ANO4: variants seen among roughly 807,000 people sequenced by gnomAD.
ANO4 encodes the protein anoctamin 4, also known as anoctamin-4.
In ANO4, 69 loss-of-function variants were observed where a neutral mutation model predicts 141.9. The ratio of observed to expected loss-of-function variants is 0.49; its 90% confidence interval spans 0.40 to 0.59. ANO4 has a LOEUF of 0.59. ANO4 is among the 20% of genes least tolerant of loss of function. ANO4 has a pLI of 0.00. For synonymous variants in ANO4, 350 were observed against 394.3 expected (o/e 0.89, Z 1.33); for missense variants, 894 against 1,162.2 (o/e 0.77, Z 3.36).
At chr12:101,114,002 T>C (rs2050758834) in intron 24 of ANO4, among the ~76,000 whole-genome samples, 1 of 152,210 alleles carries the variant, frequency 6.6e-6, no homozygotes. Context: ...CCTTCGTCTG[T>C]TACTTTTTTC....
At chr12:101,118,710 T>A (rs1308004666) in intron 25 of ANO4, among the ~76,000 whole-genome samples, 1 of 152,120 alleles carries the variant, frequency 6.6e-6, no homozygotes, top group Non-Finnish European at 1.5e-5. Flanking sequence ...GGAGCTTTCT[T>A]TTTATTTATT....
intron 25 of ANO4, among the ~76,000 whole-genome samples, chr12:101,119,058 T>A (rs1264278625): frequency 6.6e-6 from 1 of 152,076 alleles, no homozygotes; most frequent in Non-Finnish European, 1.5e-5. Flanking sequence ...CATCCTTTTT[T>A]ATGGCTGCAT....
chr12:100,919,078 A>T (rs2041483652), intron 2 of ANO4, among the ~76,000 whole-genome samples: 1 of 152,326 alleles, frequency 6.6e-6, no homozygotes, highest in Non-Finnish European at 1.5e-5. Flanking sequence ...ATAAAGAAAG[A>T]AAATATTTTT....
At chr12:100,936,981 T>C (rs910209054) in intron 3 of ANO4, among the ~76,000 whole-genome samples, 1 of 152,228 alleles carries the variant, frequency 6.6e-6, no homozygotes, top group Non-Finnish European at 1.5e-5. Flanking sequence ...TTTTATCTTA[T>C]TGTTCAAATA....
chr12:100,946,628 G>C (rs1374691446), intron 5 of ANO4, among the ~76,000 whole-genome samples: 1 of 152,202 alleles, frequency 6.6e-6, no homozygotes, highest in Non-Finnish European at 1.5e-5. Flanking sequence ...TCAAATTGTA[G>C]ACTTGTTAAG....
intron 9 of ANO4, among the ~76,000 whole-genome samples, chr12:101,033,337 G>A (rs1476096263): frequency 1.3e-5 from 2 of 151,922 alleles, no homozygotes; most frequent in Non-Finnish European, 2.9e-5. Context: ...GAAGGGGGGA[G>A]GGATAGCATT....
At chr12:100,755,127 C>G (rs2032552612) in intron 3 of ANO4, among the ~76,000 whole-genome samples, 1 of 152,168 alleles carries the variant, frequency 6.6e-6, no homozygotes, top group African/African-American at 2.4e-5. Flanking sequence ...TAGTTTGAGT[C>G]CAGATTTCAT....
intron 3 of ANO4, among the ~76,000 whole-genome samples, chr12:100,786,541 A>T (rs1421710738): frequency 6.6e-6 from 1 of 152,202 alleles, no homozygotes; most frequent in African/African-American, 2.4e-5. Flanking sequence ...TTTTGTGCTC[A>T]GGAAGACAGG....
chr12:101,052,956 A>G (rs1275290296), intron 14 of ANO4, among the ~76,000 whole-genome samples: 5 of 152,112 alleles, frequency 3.3e-5, no homozygotes, highest in African/African-American at 4.8e-5. Flanking sequence ...TAAACTTTAA[A>G]CCAGATCTGG....
intron 17 of ANO4, among the ~76,000 whole-genome samples, chr12:101,092,379 C>T (rs1348679765): frequency 6.6e-6 from 1 of 152,202 alleles, no homozygotes; most frequent in Admixed American, 6.5e-5. Context: ...TACAGATATT[C>T]ACAATGAGAA....
Position 100,878,646 on chromosome 12 carries a change from A to G in ANO4, c.-140-23000A>G, listed in dbSNP as rs539411115. Among the ~76,000 whole-genome samples the G allele has an allele frequency of 2.2e-4, 34 of 152,352 alleles. 1 individual carries two copies. In the South Asian group the frequency reaches 4.6e-3, roughly 20 times the overall value. ...CTTTTTCCTGAAGCTATTGGAATGA[A>G]TACAAGTTAGCATGATTGTCTACTG... On this transcript the variant is annotated intron_variant, in intron 1 of 27. Transcript: ENST00000392977.
At chr12:100,944,046 C>A (rs1371090217) in intron 5 of ANO4, among the ~76,000 whole-genome samples, 1 of 152,132 alleles carries the variant, frequency 6.6e-6, no homozygotes, top group Non-Finnish European at 1.5e-5. Context: ...TCAATTAATG[C>A]AAGATTTATA....
At chr12:100,791,775 T>C (rs2034056610), upstream of ANO4, among the ~76,000 whole-genome samples, 1 of 152,198 alleles carries the variant, frequency 6.6e-6, no homozygotes, top group Non-Finnish European at 1.5e-5. Flanking sequence ...GGTGAGCGTT[T>C]TCAGCCTCCC....
upstream of ANO4, chr12:100,794,539 C>G (rs1209787565): frequency 6.6e-6 from 1 of 152,336 alleles, no homozygotes; most frequent in Non-Finnish European, 1.5e-5. Flanking sequence ...TCTCTTGTCA[C>G]ACTGACACGG....
At chr12:100,927,401 A>C (rs2041918599) in intron 3 of ANO4, among the ~76,000 whole-genome samples, 1 of 152,108 alleles carries the variant, frequency 6.6e-6, no homozygotes. Context: ...TGGAGTGCCT[A>C]CTCAAATCTT....
At chr12:101,086,458 TC>T (rs1424102335) in intron 16 of ANO4, among the ~76,000 whole-genome samples, 1 of 152,146 alleles carries the variant, frequency 6.6e-6, no homozygotes, top group Non-Finnish European at 1.5e-5. Flanking sequence ...AGCGTGTAGT[TC>T]TTTTATTTTA....
At chr12:101,104,589 A>ATGTG (rs536019013) in intron 22 of ANO4, among the ~76,000 whole-genome samples, 2 of 124,668 alleles carry the variant, frequency 1.6e-5, no homozygotes, top group African/African-American at 6.6e-5. Flanking sequence ...TTGATAATAT[A>ATGTG]TATATGTGTG....
intron 1 of ANO4, among the ~76,000 whole-genome samples, chr12:100,831,738 G>GA (rs2036640825): frequency 6.6e-6 from 1 of 152,084 alleles, no homozygotes; most frequent in South Asian, 2.1e-4. Context: ...CTGAGTGTCA[G>GA]AAAACATGGG....
chr12:100,858,951 T>C (rs1353315867), intron 1 of ANO4: 1 of 152,164 alleles, frequency 6.6e-6, no homozygotes, highest in Non-Finnish European at 1.5e-5. Context: ...AAAGAAGTCA[T>C]TATGTATCTG....
Sources: allele counts gnomAD v4.1 joint callset (sites outside exome capture counted in the v4.1 genomes callset), GRCh38; gene constraint gnomAD v4.1.1; transcripts MANE v1.5; gene names NCBI Gene and HGNC (gene_info 2026-07-23, HGNC 2026-07-21).